The following RASA1 variants were observed in gnomAD, a reference collection of about 807,000 sequenced individuals.
RASA1 encodes the protein ras GTPase-activating protein 1.
In RASA1, 25 loss-of-function variants were observed where a neutral mutation model predicts 132.2. That is an observed-to-expected ratio of 0.19 (90% confidence interval 0.14 to 0.26). The LOEUF is 0.26. Ranked by LOEUF, RASA1 falls within the 10% of genes least tolerant of loss-of-function variation. The pLI is 1.00. For synonymous variants in RASA1, 477 were observed against 449.9 expected, an observed-to-expected ratio of 1.06 and a Z score of -0.76; for missense variants, 964 against 1,299.2, an observed-to-expected ratio of 0.74 and a Z score of 3.97.
chr5:87,372,230 C>A, intron 13 of RASA1, 35 bp downstream of exon 13: 1 of 1,571,940 alleles, frequency 6.4e-7, no homozygotes, highest in Non-Finnish European at 8.8e-7. Context: ...TTAATTGTCA[C>A]ATTTTGCTCT....
intron 1 of RASA1, among the ~76,000 whole-genome samples, chr5:87,313,546 A>T (rs573108144): frequency 2.0e-5 from 3 of 152,234 alleles, no homozygotes; most frequent in Non-Finnish European, 4.4e-5. Context: ...CCCACCTGCC[A>T]GTGTCTACTG....
At position 87,268,413 on chromosome 5, in the gene RASA1, C is replaced by T. The variant is rs1006280414; in HGVS notation, c.-39C>T. ...CGGGCCTGGTGGCCCCTGGGGCTCC[C>T]GGGCGGGCAGGGTAGGGCAGAGTAG... On this transcript the variant is annotated 5_prime_UTR_variant, in exon 1 of 25. Transcript: ENST00000274376. The T allele has an allele frequency of 6.7e-7, 1 of 1,490,472 alleles. No individual in the cohort carries two copies. The highest frequency in any genetic ancestry group is 2.4e-4 in the Middle Eastern group (1 of 4,136). 92.3% of individuals were successfully genotyped at this position (1,490,472 alleles called of 1,614,324 possible). A position where few individuals can be genotyped will look rare whatever the true frequency, so the allele number is the denominator to read the frequency against.
intron 1 of RASA1, among the ~76,000 whole-genome samples, chr5:87,301,792 G>A (rs930242628): frequency 1.3e-5 from 2 of 151,818 alleles, no homozygotes; most frequent in Admixed American, 6.6e-5. Flanking sequence ...TTCAGATTAG[G>A]GATACTCAAC....
chr5:87,337,516 A>T (rs1471607669), intron 4 of RASA1, among the ~76,000 whole-genome samples: 1 of 151,884 alleles, frequency 6.6e-6, no homozygotes. Context: ...TTCTGAAGTA[A>T]CTCTATATCT....
intron 4 of RASA1, among the ~76,000 whole-genome samples, chr5:87,335,226 T>C (rs1757877629): frequency 6.6e-6 from 1 of 152,068 alleles, no homozygotes; most frequent in African/African-American, 2.4e-5. Context: ...AGAGAATGTT[T>C]GACATTTTTT....
intron 1 of RASA1, among the ~76,000 whole-genome samples, chr5:87,313,356 G>A (rs976132436): frequency 6.6e-6 from 1 of 152,172 alleles, no homozygotes; most frequent in Non-Finnish European, 1.5e-5. Flanking sequence ...GGAGGACAAT[G>A]CAAATAGTTT....
chr5:87,366,431 C>T (rs1169035420), intron 11 of RASA1: 2 of 366,994 alleles, frequency 5.4e-6, no homozygotes, highest in Non-Finnish European at 1.1e-5. Context: ...AAAGAATTGC[C>T]AGAGTAAAAA....
chr5:87,270,670 TTTTTTTTTTTTTTG>T (rs1753791495), intron 1 of RASA1, among the ~76,000 whole-genome samples: 8 of 127,398 alleles, frequency 6.3e-5, no homozygotes, highest in African/African-American at 1.2e-4. Flanking sequence ...TTTTTTTTTT[TTTTTTTTTTTTTTG>T]GATAAGCTTC....
chr5:87,370,128 C>T (rs1760822830), intron 12 of RASA1, among the ~76,000 whole-genome samples: 1 of 152,108 alleles, frequency 6.6e-6, no homozygotes, highest in Admixed American at 6.6e-5. Context: ...TTTAAATTGA[C>T]CTTTAAATAC....
At position 87,386,744 on chromosome 5, in the gene RASA1, C is replaced by T. The variant is rs568507300; in HGVS notation, c.2848-82C>T. On this transcript the variant is annotated intron_variant, in intron 22 of 24. Transcript: ENST00000274376. ...TAGTAATTGCAGTTTTTGCTGTTAA[C>T]TGTAATTACTTTTGCACCAACCTAA... is the stretch of plus-strand genomic sequence containing the variant. 74 of 1,236,706 alleles carry T rather than the reference C, an allele frequency of 6.0e-5. 2 individuals carry two copies. The South Asian group carries it at 8.8e-4, about 15-fold the overall frequency. The allele number at this position is 1,236,706 out of a possible 1,614,324, so 76.6% of individuals were successfully genotyped here. A position where few individuals can be genotyped will look rare whatever the true frequency, so the allele number is the denominator to read the frequency against.
intron 1 of RASA1, among the ~76,000 whole-genome samples, chr5:87,313,417 T>A (rs1181526956): frequency 6.6e-6 from 1 of 152,042 alleles, no homozygotes; most frequent in Non-Finnish European, 1.5e-5. Flanking sequence ...AGAAATAGCT[T>A]GAATGGGAGA....
intron 1 of RASA1, among the ~76,000 whole-genome samples, chr5:87,324,615 ACTT>A (rs895479876): frequency 1.2e-4 from 18 of 152,290 alleles, no homozygotes; most frequent in Admixed American, 3.3e-4. Context: ...CTTTGAACTA[ACTT>A]GATCTGAGAT....
At chr5:87,278,142 G>A (rs140591401) in intron 1 of RASA1, among the ~76,000 whole-genome samples, 79 of 152,260 alleles carry the variant, frequency 5.2e-4, no homozygotes, top group African/African-American at 1.8e-3. Context: ...CTTGTGTAAC[G>A]ATAGACCGTA....
intron 21 of RASA1, among the ~76,000 whole-genome samples, chr5:87,384,721 T>C (rs1761948041): frequency 6.6e-6 from 1 of 152,152 alleles, no homozygotes; most frequent in East Asian, 1.9e-4. Flanking sequence ...CCAATACTTT[T>C]CATTTACATC....
intron 1 of RASA1, among the ~76,000 whole-genome samples, chr5:87,321,935 C>T (rs1343100635): frequency 6.6e-6 from 1 of 152,162 alleles, no homozygotes; most frequent in African/African-American, 2.4e-5. Context: ...AGGAGAAGGT[C>T]AGGGATATTG....
chr5:87,302,589 T>C (rs144586990), intron 1 of RASA1, among the ~76,000 whole-genome samples: 11 of 151,724 alleles, frequency 7.3e-5, no homozygotes, highest in African/African-American at 2.7e-4. Context: ...CTATATACTA[T>C]AGTATACTAT....
Position 87,268,322 on chromosome 5 carries a change from T to G in RASA1, c.-130T>G. The G allele has an allele frequency of 4.0e-5, 48 of 1,188,398 alleles. No individual in the cohort carries two copies. The highest frequency in any genetic ancestry group is 4.7e-5 in the Non-Finnish European group (41 of 873,648). 73.6% of individuals were successfully genotyped at this position (1,188,398 alleles called of 1,614,324 possible). On this transcript the variant is annotated 5_prime_UTR_variant, in exon 1 of 25. Coordinates refer to ENST00000274376, the MANE Select transcript of RASA1 (RefSeq NM_002890.3). ...GGGCGCGGCGGCGGGCTCTCTCCTTTTGTTGTTGTTTCCTCAGCCTGGGGA... is the reference window on the plus strand; with the variant it reads ...GGGCGCGGCGGCGGGCTCTCTCCTTGTGTTGTTGTTTCCTCAGCCTGGGGA...
At chr5:87,379,137 T>G (rs561795645) in intron 18 of RASA1, among the ~76,000 whole-genome samples, 31 of 152,308 alleles carry the variant, frequency 2.0e-4, no homozygotes, top group Admixed American at 5.9e-4. Flanking sequence ...CAATGGACAC[T>G]GGGACCTAGC....
chr5:87,378,379 T>C lies in RASA1; in HGVS notation c.2345-17T>C, dbSNP rs201484188. 8.7e-6 allele frequency: 14 copies of C among 1,611,458 alleles called. No homozygotes were observed. Among genetic ancestry groups the C allele is most frequent in the Non-Finnish European group, 1.2e-5 (14 of 1,177,762 alleles). On this transcript the variant is annotated splice_polypyrimidine_tract_variant and intron_variant, in intron 17 of 24. Transcript: ENST00000274376. The stretch of plus-strand genomic sequence containing the variant: ...CAGTCCTTTACAAATAATCTTCTAA[T>C]GTAAATATTTGTGTAGATGAAGCCA...
Sources: gnomAD v4.1 joint callset for allele counts (sites outside exome capture counted in the v4.1 genomes callset) on GRCh38, gnomAD v4.1.1 for gene constraint, MANE v1.5 for transcripts, NCBI Gene and HGNC (gene_info 2026-07-23, HGNC 2026-07-21) for gene names.